Variants in PKP4 observed in about 807,000 individuals in gnomAD.
PKP4 encodes the protein plakophilin-4.
In PKP4, 90 loss-of-function variants were observed where a neutral mutation model predicts 145.1. The observed-to-expected ratio is 0.62, with a 90% confidence interval of 0.52 to 0.74. The LOEUF is 0.74. PKP4 is among the 30% of genes least tolerant of loss of function. PKP4 has a pLI of 0.00. For missense variants in PKP4, 1,340 were observed against 1,482.7 expected, an observed-to-expected ratio of 0.90 and a Z score of 1.58; for synonymous variants, 563 against 577.2, an observed-to-expected ratio of 0.98 and a Z score of 0.35.
chr2:158,470,940 C>T (rs149948759), intron 1 of PKP4, among the ~76,000 whole-genome samples: 79 of 152,266 alleles, frequency 5.2e-4, no homozygotes, highest in African/African-American at 1.9e-3. Flanking sequence ...TTCCTTAGGG[C>T]ACTGGTGAAA....
intron 1 of PKP4, among the ~76,000 whole-genome samples, chr2:158,530,008 T>C (rs987520146): frequency 1.3e-5 from 2 of 152,214 alleles, no homozygotes; most frequent in Admixed American, 6.5e-5. Flanking sequence ...TTCAGCTGTT[T>C]ACAGATTGTT....
At chr2:158,521,774 C>T (rs981657664) in intron 1 of PKP4, among the ~76,000 whole-genome samples, 1 of 152,124 alleles carries the variant, frequency 6.6e-6, no homozygotes, top group Non-Finnish European at 1.5e-5. Flanking sequence ...AATATCTGTT[C>T]CAGTTTCATT....
At chr2:158,475,793 A>G (rs1692372643) in intron 1 of PKP4, among the ~76,000 whole-genome samples, 1 of 152,130 alleles carries the variant, frequency 6.6e-6, no homozygotes, top group South Asian at 2.1e-4. Context: ...TCCCTGCCCT[A>G]TCTCCCATAT....
At chr2:158,500,677 A>G (rs1696423850) in intron 1 of PKP4, among the ~76,000 whole-genome samples, 1 of 152,164 alleles carries the variant, frequency 6.6e-6, no homozygotes, top group South Asian at 2.1e-4. Flanking sequence ...GCCCTCTTAC[A>G]TTGTTGGCCT....
At chr2:158,486,536 G>T (rs1030912922) in intron 1 of PKP4, among the ~76,000 whole-genome samples, 33 of 152,314 alleles carry the variant, frequency 2.2e-4, no homozygotes, top group African/African-American at 7.9e-4. Flanking sequence ...CAGTATTCTA[G>T]TTTACTAAGA....
At chr2:158,475,142 C>G (rs951853542) in intron 1 of PKP4, among the ~76,000 whole-genome samples, 2 of 152,172 alleles carry the variant, frequency 1.3e-5, no homozygotes, top group African/African-American at 2.4e-5. Context: ...GGTAAGATCT[C>G]TGCTCTTTCT....
chr2:158,621,147 T>C, intron 5 of PKP4, 26 bp downstream of exon 5: 1 of 1,613,922 alleles, frequency 6.2e-7, no homozygotes, highest in Non-Finnish European at 8.5e-7. Context: ...TTTTAAGTAC[T>C]GGATTTGCTT....
chr2:158,530,319 C>T (rs1222330069), intron 1 of PKP4, among the ~76,000 whole-genome samples: 3 of 152,024 alleles, frequency 2.0e-5, no homozygotes, highest in Non-Finnish European at 4.4e-5. Flanking sequence ...TGGCATTTTC[C>T]TCCTTCCAGT....
chr2:158,654,470 T>A (rs916919434), intron 11 of PKP4, among the ~76,000 whole-genome samples: 3 of 152,210 alleles, frequency 2.0e-5, no homozygotes, highest in African/African-American at 7.2e-5. Context: ...GGTAACATAT[T>A]TTTTAACAAC....
chr2:158,587,902 G>T (rs2048936175), intron 3 of PKP4, among the ~76,000 whole-genome samples: 1 of 150,854 alleles, frequency 6.6e-6, no homozygotes, highest in African/African-American at 2.4e-5. Context: ...ATTAACACCT[G>T]TGTAACCAAT....
chr2:158,674,624 T>C (rs959403478), intron 19 of PKP4, among the ~76,000 whole-genome samples: 1 of 152,210 alleles, frequency 6.6e-6, no homozygotes, highest in African/African-American at 2.4e-5. Flanking sequence ...CTGGCAACCA[T>C]ACTACCTACT....
intron 1 of PKP4, among the ~76,000 whole-genome samples, chr2:158,467,585 C>T (rs1690835627): frequency 6.6e-6 from 1 of 151,248 alleles, no homozygotes; most frequent in Non-Finnish European, 1.5e-5. Context: ...GTGGCTCGCT[C>T]CTGTAATCTA....
intron 2 of PKP4, among the ~76,000 whole-genome samples, chr2:158,559,530 C>T (rs992473794): frequency 1.3e-5 from 2 of 152,004 alleles, no homozygotes; most frequent in Middle Eastern, 3.2e-3. Flanking sequence ...TGGCACTCTG[C>T]GGAGGACTTA....
intron 16 of PKP4, among the ~76,000 whole-genome samples, chr2:158,667,485 A>G (rs1312673991): frequency 6.6e-6 from 1 of 152,126 alleles, no homozygotes; most frequent in Non-Finnish European, 1.5e-5. Context: ...GTCAGGGGAG[A>G]AGGAGGGGAA....
At chr2:158,508,235 G>A (rs1388828839) in intron 1 of PKP4, among the ~76,000 whole-genome samples, 1 of 151,706 alleles carries the variant, frequency 6.6e-6, no homozygotes, top group Non-Finnish European at 1.5e-5. Flanking sequence ...CATGGTGGCA[G>A]GCACCTGTAA....
At chr2:158,645,292 A>G (rs2054719031) in intron 11 of PKP4, among the ~76,000 whole-genome samples, 2 of 152,220 alleles carry the variant, frequency 1.3e-5, no homozygotes, top group Admixed American at 1.3e-4. Context: ...GTACATGTAG[A>G]TATAAAATGA....
intron 3 of PKP4, among the ~76,000 whole-genome samples, chr2:158,599,442 C>T (rs1336940087): frequency 6.6e-6 from 1 of 152,186 alleles, no homozygotes; most frequent in Admixed American, 6.5e-5. Context: ...ACTCCCTGCT[C>T]TTCAGTTTGA....
At position 158,631,913 on chromosome 2, in the gene PKP4, G is replaced by T. The variant is rs370694709; in HGVS notation, c.1314G>T (p.Ser438=). The change falls in exon 8 of 22, where the codon TCG becomes TCT. Residue 438 remains serine, a synonymous_variant. Transcript: ENST00000389759. ...PNHGTVELQG[S]QTALYRTGSV... is the part of the protein sequence containing the mutation. The stretch of plus-strand genomic sequence containing the variant: ...ATGGAACTGTGGAGCTCCAAGGATC[G>T]CAGACGGCGTTGTATCGCACAGGTT... The T allele has an allele frequency of 2.5e-6, 4 of 1,613,972 alleles. No individual in the cohort carries two copies. The highest frequency in any genetic ancestry group is 2.5e-6 in the Non-Finnish European group (3 of 1,179,994).
chr2:158,577,506 C>A, intron 3 of PKP4, 123 bp downstream of exon 3: 1 of 621,718 alleles, frequency 1.6e-6, no homozygotes, highest in Non-Finnish European at 2.9e-6. Context: ...GAATTTGAAA[C>A]CAAAAATGTC....
Sources: gnomAD v4.1 joint callset for allele counts (sites outside exome capture counted in the v4.1 genomes callset) on GRCh38, gnomAD v4.1.1 for gene constraint, MANE v1.5 for transcripts, NCBI Gene and HGNC (gene_info 2026-07-23, HGNC 2026-07-21) for gene names.